Variants in RYR2 observed in about 807,000 individuals in gnomAD.
The protein encoded by RYR2 is cardiac muscle ryanodine receptor-calcium release channel.
In RYR2, 227 loss-of-function variants were observed where a neutral mutation model predicts 601.1. The observed-to-expected ratio is 0.38, with a 90% CI of 0.34 to 0.42. RYR2 has a LOEUF of 0.42. Ranked by LOEUF, RYR2 falls within the 10% of genes least tolerant of loss-of-function variation. The pLI is 1.00. For synonymous variants in RYR2, 2,223 were observed against 2,175.1 expected (o/e 1.02, Z -0.61); for missense variants, 4,646 against 6,156.5 (o/e 0.75, Z 8.21).
intron 3 of RYR2, among the ~76,000 whole-genome samples, chr1:237,335,395 G>A (rs927455575): frequency 3.3e-5 from 5 of 152,140 alleles, no homozygotes; most frequent in South Asian, 2.1e-4. Context: ...GAGAGGTGAC[G>A]TAGTATAGTA....
At chr1:237,691,768 T>C (rs1686964658) in intron 63 of RYR2, among the ~76,000 whole-genome samples, 1 of 152,206 alleles carries the variant, frequency 6.6e-6, no homozygotes, top group Admixed American at 6.5e-5. Flanking sequence ...TGTCTAAATA[T>C]AGGCTTCCCT....
intron 82 of RYR2, 78 bp from the exon 83 acceptor site, chr1:237,759,698 C>G (rs1450108736): frequency 2.3e-6 from 2 of 856,080 alleles, no homozygotes; most frequent in Non-Finnish European, 4.1e-6. Flanking sequence ...GAATGGAAAG[C>G]CTGTTTTGGT....
At chr1:237,829,552 A>G (rs1407109091) in intron 102 of RYR2, among the ~76,000 whole-genome samples, 3 of 152,178 alleles carry the variant, frequency 2.0e-5, no homozygotes, top group African/African-American at 7.2e-5. Flanking sequence ...AAAGCTGATG[A>G]GTGTGATTTG....
Position 237,501,172 on chromosome 1 carries a change from G to GTT in RYR2, c.2396+285_2396+286dup, listed in dbSNP as rs58106054. Among the ~76,000 whole-genome samples, 142 of 128,014 alleles carry GTT rather than the reference G, an allele frequency of 1.1e-3. 1 individual carries two copies. Among genetic ancestry groups the GTT allele is most frequent in the African/African-American group, 3.2e-3 (116 of 36,088 alleles). The allele number at this position is 128,014 out of a possible 152,430, so 84.0% of individuals were successfully genotyped here. On this transcript the variant is annotated intron_variant, in intron 21 of 104. Coordinates refer to ENST00000366574, the MANE Select transcript of RYR2 (RefSeq NM_001035.3). ...CCAGGGTCCTGAACTATTTCAAGGT[G>GTT]TTTTTTTTTTTTTTTTTAGTTCATT...
rs1558274627 is a variant in RYR2 at position 237,714,990 on chromosome 1, T to TTAA, written c.10324-2208_10324-2207insTAA. Among the ~76,000 whole-genome samples, 10 of 89,394 alleles carry TTAA rather than the reference T, an allele frequency of 1.1e-4. 4 individuals carry two copies. The highest frequency in any genetic ancestry group is 3.6e-4 in the South Asian group (1 of 2,766). The allele number at this position is 89,394 out of a possible 152,430, so 58.6% of individuals were successfully genotyped here. On this transcript the variant is annotated intron_variant, in intron 71 of 104. Coordinates refer to ENST00000366574, the MANE Select transcript of RYR2 (RefSeq NM_001035.3). ...CCTGGTGACAGAGCGAGACTCCATC[T>TTAA]CAAAAAAAAAAAAAAAAAAAAAAAA... is the stretch of plus-strand genomic sequence containing the variant.
At chr1:237,701,447 C>T (rs1370981330) in intron 65 of RYR2, among the ~76,000 whole-genome samples, 4 of 151,998 alleles carry the variant, frequency 2.6e-5, no homozygotes, top group African/African-American at 7.3e-5. Flanking sequence ...AAGATAATCA[C>T]TTGAACCTAT....
chr1:237,344,945 G>A (rs1698165655), intron 3 of RYR2, among the ~76,000 whole-genome samples: 1 of 152,022 alleles, frequency 6.6e-6, no homozygotes, highest in Non-Finnish European at 1.5e-5. Flanking sequence ...TGAGTAGCTG[G>A]GACTACAGGT....
intron 12 of RYR2, among the ~76,000 whole-genome samples, chr1:237,427,149 C>T (rs1377566370): frequency 6.6e-6 from 1 of 152,184 alleles, no homozygotes; most frequent in Non-Finnish European, 1.5e-5. Flanking sequence ...CTACCTTCTT[C>T]ATCATGCGTA....
intron 12 of RYR2, among the ~76,000 whole-genome samples, chr1:237,429,418 G>C (rs73104459): frequency 6.6e-6 from 1 of 152,266 alleles, no homozygotes; most frequent in African/African-American, 2.4e-5. Context: ...AGGCTGGCTG[G>C]TTCACTCATT....
intron 29 of RYR2, among the ~76,000 whole-genome samples, chr1:237,586,679 T>C (rs897135088): frequency 2.0e-5 from 3 of 152,164 alleles, no homozygotes; most frequent in African/African-American, 7.2e-5. Context: ...GAACCCTGGC[T>C]GCTTAGATGG....
rs577838223 is a variant in RYR2, at chr1:237,450,968, C to A, written c.1293-3423C>A. 3.2e-4 allele frequency among the ~76,000 whole-genome samples: 49 copies of A among 152,178 alleles called. No individual in the cohort carries two copies. In the Middle Eastern group the frequency reaches 0.01, roughly 32 times the overall value. ...TTTATCCTTTAGTTGTATTATTTAACTCCAGTAATCATGTTTATATTGCAT... is the reference window on the plus strand; with the variant it reads ...TTTATCCTTTAGTTGTATTATTTAAATCCAGTAATCATGTTTATATTGCAT... On this transcript the variant is annotated intron_variant, in intron 14 of 104. Coordinates refer to ENST00000366574, the MANE Select transcript of RYR2 (RefSeq NM_001035.3).
intron 29 of RYR2, among the ~76,000 whole-genome samples, chr1:237,583,308 C>T (rs970576607): frequency 7.9e-5 from 12 of 152,042 alleles, no homozygotes; most frequent in Middle Eastern, 3.4e-3. Flanking sequence ...ATTTAAGTCC[C>T]TTATAGATTC....
intron 25 of RYR2, among the ~76,000 whole-genome samples, chr1:237,539,557 G>A (rs12409861): frequency 0.19 from 28,473 of 152,054 alleles, 3,144 homozygotes; most frequent in Admixed American, 0.29. Context: ...CAGTGGAGCC[G>A]GAAATCATTA....
intron 1 of RYR2, among the ~76,000 whole-genome samples, chr1:237,126,980 A>G (rs1331255672): frequency 1.3e-5 from 2 of 151,784 alleles, no homozygotes; most frequent in African/African-American, 4.8e-5. Flanking sequence ...GGGAGTGGTG[A>G]TGACTCTTAA....
intron 4 of RYR2, among the ~76,000 whole-genome samples, chr1:237,357,393 C>T (rs1440517613): frequency 1.3e-5 from 2 of 152,106 alleles, no homozygotes; most frequent in Non-Finnish European, 2.9e-5. Flanking sequence ...CTGTCTTTTC[C>T]CATCCTTGCA....
intron 10 of RYR2, among the ~76,000 whole-genome samples, chr1:237,394,002 G>T (rs4393145): frequency 0.27 from 41,367 of 152,086 alleles, 6,248 homozygotes; most frequent in East Asian, 0.4. Context: ...TGCATTTAGA[G>T]TATATGAATA....
rs78939613 is a variant in RYR2 at position 237,607,883 on chromosome 1, A to T, written c.4684-2879A>T. ...TTTGAGCTCAGTTTCTGCATCTATA[A>T]AATGGGGTTCACAGTATCCGTTTTA... On this transcript the variant is annotated intron_variant, in intron 35 of 104. Coordinates refer to ENST00000366574, the MANE Select transcript of RYR2 (RefSeq NM_001035.3). 1.6e-3 allele frequency among the ~76,000 whole-genome samples: 246 copies of T among 152,298 alleles called. 1 individual carries two copies. The highest frequency in any genetic ancestry group is 5.3e-3 in the African/African-American group (220 of 41,556).
intron 2 of RYR2, among the ~76,000 whole-genome samples, chr1:237,312,507 G>A (rs1055307240): frequency 3.3e-5 from 5 of 152,150 alleles, no homozygotes; most frequent in Non-Finnish European, 5.9e-5. Context: ...TATTTCCAGG[G>A]CGAAGATGAC....
chr1:237,469,017 G>A, intron 16 of RYR2, 75 bp from the exon 17 acceptor site: 3 of 1,168,796 alleles, frequency 2.6e-6, no homozygotes, highest in Non-Finnish European at 2.5e-6. Flanking sequence ...CAATATTTTA[G>A]GGCTGCATAT....
Sources: allele counts gnomAD v4.1 joint callset (sites outside exome capture counted in the v4.1 genomes callset), GRCh38; gene constraint gnomAD v4.1.1; transcripts MANE v1.5; gene names NCBI Gene and HGNC (gene_info 2026-07-23, HGNC 2026-07-21).